Variants in PMEPA1 observed in about 807,000 individuals in gnomAD.
PMEPA1 encodes the protein protein TMEPAI.
In PMEPA1, 11 loss-of-function variants were observed where a neutral mutation model predicts 23.0. The ratio of observed to expected loss-of-function variants is 0.48; its 90% CI spans 0.30 to 0.79. The LOEUF is 0.79. Ranked by LOEUF, PMEPA1 falls within the 30% of genes least tolerant of loss-of-function variation. The pLI is 0.06. For synonymous variants in PMEPA1, 204 were observed against 166.4 expected (o/e 1.23, Z -1.74); for missense variants, 377 against 390.9 (o/e 0.96, Z 0.30).
At chr20:57,703,186 G>A (rs2072034594) in intron 1 of PMEPA1, among the ~76,000 whole-genome samples, 1 of 152,272 alleles carries the variant, frequency 6.6e-6, no homozygotes, top group Admixed American at 6.5e-5. Flanking sequence ...GCAGGAAGGA[G>A]TGCTTGGAGC....
chr20:57,690,474 G>C, intron 1 of PMEPA1: 2 of 1,303,658 alleles, frequency 1.5e-6, no homozygotes, highest in South Asian at 1.2e-5. Context: ...TAAATAAGGA[G>C]TGTATATCAC....
intron 1 of PMEPA1, among the ~76,000 whole-genome samples, chr20:57,708,871 AG>A (rs1050169088): frequency 1.3e-5 from 2 of 152,048 alleles, no homozygotes; most frequent in Admixed American, 6.5e-5. Flanking sequence ...AGAGAGAGGC[AG>A]GAAGACTCGG....
chr20:57,683,199 C>T lies in PMEPA1; in HGVS notation c.110-23502G>A, dbSNP rs190914076. Among the ~76,000 whole-genome samples the T allele has an allele frequency of 1.4e-4, 22 of 152,114 alleles. No individual in the cohort carries two copies. The highest frequency in any genetic ancestry group is 3.4e-4 in the African/African-American group (14 of 41,410). On this transcript the variant is annotated intron_variant, in intron 1 of 3. Transcript: ENST00000341744. The surrounding 1 kb of genome is among the most constrained non-coding windows in gnomAD (Gnocchi z 4.3). ...AAAAGAAAAAGAAGGCCAGGAGACA[C>T]GCGATCAATTATAAAAAGTGCAAAG...
chr20:57,685,583 G>A (rs556714798), intron 1 of PMEPA1, among the ~76,000 whole-genome samples: 1 of 152,186 alleles, frequency 6.6e-6, no homozygotes, highest in Non-Finnish European at 1.5e-5. Context: ...CTGGTTTGGG[G>A]TCTGCTGGTG....
chr20:57,660,989 C>A (rs1176120539), intron 1 of PMEPA1, among the ~76,000 whole-genome samples: 1 of 152,210 alleles, frequency 6.6e-6, no homozygotes, highest in Non-Finnish European at 1.5e-5. Context: ...CCCACACACA[C>A]ACATCCATCC....
chr20:57,689,720 G>A (rs943061674), intron 1 of PMEPA1, among the ~76,000 whole-genome samples: 9 of 152,058 alleles, frequency 5.9e-5, no homozygotes, highest in African/African-American at 2.2e-4. Flanking sequence ...GGGCCGCCCT[G>A]AATCTGCCTC....
In PMEPA1 at chr20:57,656,801, G is replaced by A. The variant is rs1217469908; in HGVS notation, c.264+2742C>T. 6.6e-6 allele frequency among the ~76,000 whole-genome samples: 1 copy of A among 152,232 alleles called. No individual in the cohort carries two copies. Among genetic ancestry groups the A allele is most frequent in the Non-Finnish European group, 1.5e-5 (1 of 68,032 alleles). ...GGACCCCCAGGGTCACCCTGAAAAG[G>A]GGCCATGGTCGGATAGCCATGCCAG... On this transcript the variant is annotated intron_variant, in intron 2 of 3. Transcript: ENST00000341744. The surrounding 1 kb of genome is among the most constrained non-coding windows in gnomAD (Gnocchi z 4.7).
At position 57,709,779 on chromosome 20, in the gene PMEPA1, G is replaced by GC. The variant is rs978933253; in HGVS notation, c.-198dup. 1.8e-5 allele frequency: 18 copies of GC among 980,728 alleles called. No homozygotes were observed. The highest frequency in any genetic ancestry group is 1.8e-4 in the South Asian group (4 of 21,830). 60.8% of individuals were successfully genotyped at this position (980,728 alleles called of 1,614,324 possible). ...AGTGCGCGGGACCGCGCTCCGCTGC[G>GC]CCCCCCCGGCCTCCCCTCGGCAGCC... On this transcript the variant is annotated 5_prime_UTR_variant, in exon 1 of 4. Coordinates refer to ENST00000341744, the MANE Select transcript of PMEPA1 (RefSeq NM_020182.5).
At position 57,706,294 on chromosome 20, in the gene PMEPA1, G is replaced by A. The variant is rs551521770; in HGVS notation, c.109+3180C>T. Among the ~76,000 whole-genome samples the A allele has an allele frequency of 1.6e-4, 24 of 152,266 alleles. No individual in the cohort carries two copies. In the East Asian group the frequency reaches 2.5e-3, roughly 16 times the overall value. ...AGGCAATAACCAGAGGAGAAAGACC[G>A]GGGGTAATCTCTGAGACGCAGCAGA... On this transcript the variant is annotated intron_variant, in intron 1 of 3. Transcript: ENST00000341744.
intron 1 of PMEPA1, among the ~76,000 whole-genome samples, chr20:57,679,035 G>C (rs1192231462): frequency 6.6e-6 from 1 of 152,204 alleles, no homozygotes; most frequent in African/African-American, 2.4e-5. Context: ...AACAACACGA[G>C]TGTTTTTGAA....
chr20:57,659,155 G>A (rs1476955363), intron 2 of PMEPA1, among the ~76,000 whole-genome samples: 1 of 144,458 alleles, frequency 6.9e-6, no homozygotes, highest in Non-Finnish European at 1.5e-5. Context: ...CCTGCATGGC[G>A]CTATCACCAC....
At chr20:57,674,738 G>A (rs1288714854) in intron 1 of PMEPA1, among the ~76,000 whole-genome samples, 1 of 152,270 alleles carries the variant, frequency 6.6e-6, no homozygotes, top group African/African-American at 2.4e-5. Context: ...CCCTCACTGC[G>A]GCAGCGCATA....
rs2071267946 is a variant in PMEPA1, at chr20:57,652,708, G to A, written c.319-110C>T. The A allele has an allele frequency of 2.9e-6, 3 of 1,033,192 alleles. No homozygotes were observed. The Admixed American group carries it at 8.7e-5, about 30-fold the overall frequency. The allele number at this position is 1,033,192 out of a possible 1,614,324, so 64.0% of individuals were successfully genotyped here. A position where few individuals can be genotyped will look rare whatever the true frequency, so the allele number is the denominator to read the frequency against. On this transcript the variant is annotated intron_variant, in intron 3 of 3. Transcript: ENST00000341744. The surrounding 1 kb of genome is among the most constrained non-coding windows in gnomAD (Gnocchi z 6.1). ...CATGGGACTTGGCTCTCTGGGGAAA[G>A]GGAGAGGGCAGCAGGGCTGGCGGGG...
chr20:57,674,505 G>A (rs568997074), intron 1 of PMEPA1, among the ~76,000 whole-genome samples: 1 of 152,252 alleles, frequency 6.6e-6, no homozygotes, highest in African/African-American at 2.4e-5. Flanking sequence ...GACAGACAGA[G>A]GGGGCTGAAC....
At chr20:57,676,878 A>C (rs1600649551) in intron 1 of PMEPA1, among the ~76,000 whole-genome samples, 1 of 151,408 alleles carries the variant, frequency 6.6e-6, no homozygotes, top group Admixed American at 6.6e-5. Flanking sequence ...TTGCAAACAC[A>C]CCCCCCGTCT....
rs953105639 is a variant in PMEPA1 at position 57,652,581 on chromosome 20, C to A, written c.336G>T (p.Pro112=). The A allele has an allele frequency of 9.3e-6, 14 of 1,498,978 alleles. No homozygotes were observed. In the East Asian group the frequency reaches 2.1e-4, roughly 23 times the overall value. The allele number at this position is 1,498,978 out of a possible 1,614,324, so 92.9% of individuals were successfully genotyped here. ...NGIPEPQVYA[P]PRPTDRLAVP... is the part of the protein sequence containing the mutation. Reference sequence around the variant, plus strand: ...CGGCCAGGCGGTCGGTGGGCCGAGGCGGGGCGTAGACCTGCGGCTGGAGGA... The same window carrying A: ...CGGCCAGGCGGTCGGTGGGCCGAGGAGGGGCGTAGACCTGCGGCTGGAGGA... Residue 112 remains proline, a synonymous_variant, in exon 4 of 4, where the codon CCG becomes CCT. Transcript: ENST00000341744. The surrounding 1 kb of genome is among the most constrained non-coding windows in gnomAD (Gnocchi z 6.1).
At chr20:57,700,414 G>A (rs973760443) in intron 1 of PMEPA1, among the ~76,000 whole-genome samples, 1 of 152,230 alleles carries the variant, frequency 6.6e-6, no homozygotes, top group Non-Finnish European at 1.5e-5. Context: ...AAAGCCTATA[G>A]TGGGGGCAAA....
intron 1 of PMEPA1, among the ~76,000 whole-genome samples, chr20:57,706,573 A>C: frequency 6.6e-6 from 1 of 152,112 alleles, no homozygotes; most frequent in East Asian, 1.9e-4. Flanking sequence ...GTGTCCTGTT[A>C]CAGTCAAGCC....
intron 2 of PMEPA1, 130 bp from the exon 3 acceptor site, chr20:57,653,216 G>C (rs76231217): frequency 0.043 from 32,996 of 759,506 alleles, 1,071 homozygotes; most frequent in African/African-American, 0.13. Flanking sequence ...TCTCTGCATC[G>C]GAACCAGCTT....
Sources: gnomAD v4.1 joint callset for allele counts (sites outside exome capture counted in the v4.1 genomes callset) on GRCh38, gnomAD v4.1.1 for gene constraint, Gnocchi (gnomAD v3.1) non-coding constraint, MANE v1.5 for transcripts, NCBI Gene and HGNC (gene_info 2026-07-23, HGNC 2026-07-21) for gene names.